PEAR1: variants seen among roughly 807,000 people sequenced by gnomAD.
PEAR1 encodes the protein multiple EGF-like domains protein 12.
In PEAR1, 113 loss-of-function variants were observed where a neutral mutation model predicts 131.2. The observed-to-expected ratio is 0.86, with a 90% confidence interval of 0.74 to 1.01. PEAR1 has a LOEUF of 1.01. Among genes scored for constraint, PEAR1 ranks in the 50% least tolerant of loss-of-function variants. The pLI, the probability that PEAR1 is intolerant of heterozygous loss-of-function variation, is 0.00. For synonymous variants in PEAR1, 565 were observed against 523.3 expected (o/e 1.08, Z -1.09); for missense variants, 1,408 against 1,391.1 (o/e 1.01, Z -0.19).
At position 156,912,475 on chromosome 1, in the gene PEAR1, TCCTTGGCTGTCTC is replaced by T; in HGVS notation, c.2081-16_2081-4del. On this transcript the variant is annotated splice_polypyrimidine_tract_variant and splice_region_variant and intron_variant, in intron 16 of 22. Coordinates refer to ENST00000292357, the MANE Select transcript of PEAR1 (RefSeq NM_001080471.3). ...CTGGCGGCTCTGATGCCGGCCTGCC[TCCTTGGCTGTCTC>T]CCCAGGCTGCCCTCTGGGGACATTT... The T allele has an allele frequency of 6.2e-7, 1 of 1,610,046 alleles. No homozygotes were observed. The highest frequency in any genetic ancestry group is 8.5e-7 in the Non-Finnish European group (1 of 1,178,152).
At chr1:156,914,217 T>C (rs1651624758) in intron 22 of PEAR1, 117 bp downstream of exon 22, 2 of 1,426,314 alleles carry the variant, frequency 1.4e-6, no homozygotes, top group Admixed American at 2.8e-5. Flanking sequence ...GTGAGGCCTT[T>C]GGGGTCAGCT....
intron 15 of PEAR1, among the ~76,000 whole-genome samples, chr1:156,911,078 TTTC>T (rs776476671): frequency 7.1e-6 from 1 of 139,930 alleles, no homozygotes; most frequent in Non-Finnish European, 1.5e-5. Context: ...TCTTTCTTTC[TTTC>T]TTTCTTTCTT....
rs758360516 is a variant in PEAR1, at chr1:156,912,857, C to G, written c.2297C>G (p.Ser766Cys). 2.0e-5 allele frequency: 32 copies of G among 1,614,236 alleles called. 2 individuals are homozygous for G. The South Asian group carries it at 3.0e-4, about 15-fold the overall frequency. ...GTGATTGGCATTGCAGTGCTGGGGT[C>G]CCTTGTGGTAGCCCTGGTGGCACTG... ...GAVIGIAVLG[S>C]LVVALVALFI... The change falls in exon 18 of 23, where the codon TCC becomes TGC. Residue 766 changes from serine (S) to cysteine (C), a missense_variant. Transcript: ENST00000292357.
intron 1 of PEAR1, among the ~76,000 whole-genome samples, chr1:156,903,053 G>A (rs895961562): frequency 2.0e-5 from 3 of 152,122 alleles, no homozygotes; most frequent in Non-Finnish European, 4.4e-5. Flanking sequence ...CTGGCCTTGG[G>A]TTTTAGTGTT....
Position 156,914,922 on chromosome 1 carries a change from G to T in PEAR1, c.*124G>T. 9.6e-7 allele frequency: 1 copy of T among 1,047,014 alleles called. No homozygotes were observed. 64.9% of individuals were successfully genotyped at this position (1,047,014 alleles called of 1,614,324 possible). ...CCGGCAGGCTGTGAACATGAACAAC[G>T]CTTAACAGAGCAAGTGATGGGAGCC... is the stretch of plus-strand genomic sequence containing the variant. On this transcript the variant is annotated 3_prime_UTR_variant, in exon 23 of 23. Coordinates refer to ENST00000292357, the MANE Select transcript of PEAR1 (RefSeq NM_001080471.3).
At chr1:156,899,136 G>A (rs1177649244) in intron 1 of PEAR1, among the ~76,000 whole-genome samples, 2 of 152,196 alleles carry the variant, frequency 1.3e-5, no homozygotes, top group Non-Finnish European at 2.9e-5. Context: ...ATGGCGGGGA[G>A]TGCTAGTCTC....
intron 13 of PEAR1, 56 bp from the exon 14 acceptor site, chr1:156,910,178 G>A: frequency 1.9e-6 from 3 of 1,612,892 alleles, no homozygotes; most frequent in Non-Finnish European, 2.5e-6. Flanking sequence ...GTCCAGAAGA[G>A]CCCCCTGGAA....
intron 15 of PEAR1, among the ~76,000 whole-genome samples, chr1:156,910,994 G>A (rs1191084930): frequency 6.6e-5 from 10 of 151,984 alleles, no homozygotes; most frequent in Admixed American, 5.2e-4. Flanking sequence ...ATGGGAGCAG[G>A]GGAAATCATA....
At position 156,915,858 on chromosome 1, in the gene PEAR1, G is replaced by C. The variant is rs1651818351; in HGVS notation, c.*1060G>C. ...TCCCCAAAAGGCTGAGTGGCTGACT[G>C]AATTAAGTACCAGTGACATGCAGTA... On this transcript the variant is annotated 3_prime_UTR_variant, in exon 23 of 23. Coordinates refer to ENST00000292357, the MANE Select transcript of PEAR1 (RefSeq NM_001080471.3). The C allele has an allele frequency of 6.6e-6, 1 of 152,268 alleles. No homozygotes were observed. 9.4% of individuals were successfully genotyped at this position (152,268 alleles called of 1,614,324 possible).
chr1:156,913,475 G>T lies in PEAR1; in HGVS notation c.2596G>T (p.Ala866Ser). Reference protein sequence around the residue: ...QGHDNHTTLPADWKHRREPPP... With the variant: ...QGHDNHTTLPSDWKHRREPPP... ...GCATGATAACCACACCACCCTGCCT[G>T]CTGACTGGAAGCACCGCCGGGAGCC... Residue 866 changes from alanine to serine, a missense_variant, in exon 20 of 23, where the codon GCT becomes TCT. Coordinates refer to ENST00000292357, the MANE Select transcript of PEAR1 (RefSeq NM_001080471.3). 1 of 1,613,456 alleles carries T rather than the reference G, an allele frequency of 6.2e-7. No individual in the cohort carries two copies. Among genetic ancestry groups the T allele is most frequent in the Non-Finnish European group, 8.5e-7 (1 of 1,180,014 alleles).
chr1:156,900,742 G>T (rs1006646107), intron 1 of PEAR1, among the ~76,000 whole-genome samples: 2 of 152,140 alleles, frequency 1.3e-5, no homozygotes, highest in Admixed American at 6.5e-5. Flanking sequence ...GAACAGGAGG[G>T]GGCCTCTGCA....
chr1:156,911,046 T>TTTCC (rs1491492365), intron 15 of PEAR1, among the ~76,000 whole-genome samples: 1 of 97,030 alleles, frequency 1.0e-5, no homozygotes, highest in Non-Finnish European at 1.9e-5. Flanking sequence ...TTTTTCTTTC[T>TTTCC]TTCTTTCTTT....
intron 1 of PEAR1, among the ~76,000 whole-genome samples, chr1:156,898,949 T>C (rs567637797): frequency 1.3e-5 from 2 of 152,152 alleles, no homozygotes; most frequent in Non-Finnish European, 2.9e-5. Context: ...GAGTTTCTGA[T>C]GAAGAACAAG....
chr1:156,906,751 C>T lies in PEAR1; in HGVS notation c.515C>T (p.Pro172Leu), dbSNP rs150756495. ...VCSCPSGLQP[P>L]NCLQPCTPGY... ...TCTTGCCCTTCTGGTCTGCAGCCCC[C>T]GAACTGCCTTCAGCCCTGTACCCCT... is the stretch of plus-strand genomic sequence containing the variant. The change falls in exon 6 of 23, where the codon CCG becomes CTG. Residue 172 changes from proline (P) to leucine (L), a missense_variant. Transcript: ENST00000292357. 1.9e-3 allele frequency: 3,020 copies of T among 1,614,228 alleles called. 67 individuals are homozygous for T. The South Asian group carries it at 0.029, about 16-fold the overall frequency.
chr1:156,908,678 GCTC>G lies in PEAR1; in HGVS notation c.1142_1144del (p.Ser381del). On this transcript the variant is annotated inframe_deletion, in exon 10 of 23. Transcript: ENST00000292357. This position sits in a 1 kb window ranked among gnomAD's most constrained non-coding sequence, Gnocchi z 4.2. ...AGCTGCCACCCGATGAACGGGGAGT[GCTC>G]CTGCCTGCCGGGCTGGGCGGGCCTC... The G allele has an allele frequency of 6.5e-7, 1 of 1,533,158 alleles. No homozygotes were observed. The highest frequency in any genetic ancestry group is 8.7e-7 in the Non-Finnish European group (1 of 1,145,082). The allele number at this position is 1,533,158 out of a possible 1,614,324, so 95.0% of individuals were successfully genotyped here.
At position 156,909,150 on chromosome 1, in the gene PEAR1, G is replaced by T; in HGVS notation, c.1411+114G>T. The T allele has an allele frequency of 3.6e-6, 5 of 1,391,502 alleles. No individual in the cohort carries two copies. In the Admixed American group the frequency reaches 9.8e-5, roughly 27 times the overall value. The allele number at this position is 1,391,502 out of a possible 1,614,324, so 86.2% of individuals were successfully genotyped here. A position where few individuals can be genotyped will look rare whatever the true frequency, so the allele number is the denominator to read the frequency against. The stretch of plus-strand genomic sequence containing the variant: ...GGGGAGCGGCTGCAGGGTAAGGGTG[G>T]AGGGGCAGCAGCTGGACACAGGGAA... On this transcript the variant is annotated intron_variant, in intron 11 of 22. Transcript: ENST00000292357.
chr1:156,909,704 G>A (rs755462797), intron 11 of PEAR1, 47 bp from the exon 12 acceptor site: 54 of 1,552,150 alleles, frequency 3.5e-5, no homozygotes, highest in Non-Finnish European at 4.3e-5. Flanking sequence ...TGCTTGCTCA[G>A]GAAGGGAAAT....
Position 156,905,414 on chromosome 1 carries a change from G to A in PEAR1, c.297G>A (p.Gly99=), listed in dbSNP as rs1200566940. The A allele has an allele frequency of 1.2e-6, 2 of 1,604,286 alleles. No individual in the cohort carries two copies. Among genetic ancestry groups the A allele is most frequent in the South Asian group, 1.1e-5 (1 of 89,886 alleles). Residue 99 remains glycine (G), a synonymous_variant, in exon 4 of 23, where the codon GGG becomes GGA. Transcript: ENST00000292357. ...QCCHGFYESR[G]FCVPLCAQEC... ...GCCATGGCTTCTATGAGAGCAGGGG[G>A]TTCTGTGTCCGTGAGTCCAGGGTTG...
chr1:156,894,808 C>T (rs1469458660), intron 1 of PEAR1, among the ~76,000 whole-genome samples: 1 of 152,218 alleles, frequency 6.6e-6, no homozygotes, highest in Non-Finnish European at 1.5e-5. Context: ...GCCTGAGGTT[C>T]CCAGGCTCAG....
Sources: gnomAD v4.1 joint callset for allele counts (sites outside exome capture counted in the v4.1 genomes callset) on GRCh38, gnomAD v4.1.1 for gene constraint, Gnocchi (gnomAD v3.1) non-coding constraint, MANE v1.5 for transcripts, NCBI Gene and HGNC (gene_info 2026-07-23, HGNC 2026-07-21) for gene names.